SEMA3D: variants seen among roughly 807,000 people sequenced by gnomAD.
SEMA3D encodes semaphorin-3D.
In SEMA3D, 84 loss-of-function variants were observed where a neutral mutation model predicts 100.1. The ratio of observed to expected loss-of-function variants is 0.84; its 90% CI spans 0.70 to 1.01. The LOEUF is 1.01. SEMA3D is among the 50% of genes least tolerant of loss of function. The probability of loss-of-function intolerance (pLI) is 0.00; values close to 1 mark genes in which losing one functional copy is unlikely to be tolerated. For synonymous variants in SEMA3D, 312 were observed against 320.7 expected (o/e 0.97, Z 0.29); for missense variants, 875 against 934.1 (o/e 0.94, Z 0.82).
At chr7:85,043,221 T>A (rs948662976) in intron 9 of SEMA3D, among the ~76,000 whole-genome samples, 1 of 151,918 alleles carries the variant, frequency 6.6e-6, no homozygotes, top group Admixed American at 6.6e-5. Context: ...CAGTCATGTG[T>A]GGTGGGGTGT....
At chr7:85,024,964 T>C (rs911597625) in intron 12 of SEMA3D, among the ~76,000 whole-genome samples, 1 of 151,904 alleles carries the variant, frequency 6.6e-6, no homozygotes, top group Non-Finnish European at 1.5e-5. Context: ...AAAGAGAAAG[T>C]GTAGGGAAAT....
At chr7:85,062,289 A>G (rs1379829701) in intron 8 of SEMA3D, among the ~76,000 whole-genome samples, 2 of 152,218 alleles carry the variant, frequency 1.3e-5, no homozygotes, top group African/African-American at 4.8e-5. Context: ...TGGATATTAT[A>G]TAAAATAATT....
intron 7 of SEMA3D, among the ~76,000 whole-genome samples, chr7:85,066,685 C>A (rs1791630338): frequency 1.3e-5 from 2 of 151,830 alleles, no homozygotes; most frequent in Admixed American, 6.6e-5. Context: ...TTTATAAATG[C>A]CTAAATATGA....
the SEMA3D span, among the ~76,000 whole-genome samples, chr7:85,244,692 G>A: frequency 2.3e-3 from 341 of 150,122 alleles, 2 homozygotes; most frequent in African/African-American, 8.0e-3. Flanking sequence ...GCAAAATCCC[G>A]GATGTACTGC....
At chr7:85,001,823 G>C (rs1789662818) in intron 18 of SEMA3D, among the ~76,000 whole-genome samples, 1 of 152,086 alleles carries the variant, frequency 6.6e-6, no homozygotes, top group African/African-American at 2.4e-5. Context: ...CTTTATTACT[G>C]TAATTCTCTT....
chr7:85,063,652 A>G (rs963741711), intron 8 of SEMA3D, among the ~76,000 whole-genome samples: 7 of 151,742 alleles, frequency 4.6e-5, no homozygotes, highest in Admixed American at 2.0e-4. Context: ...TCATTTCCCT[A>G]TTTTCATGCA....
At chr7:85,076,524 A>G (rs767515658) in intron 5 of SEMA3D, among the ~76,000 whole-genome samples, 1 of 152,210 alleles carries the variant, frequency 6.6e-6, no homozygotes, top group Non-Finnish European at 1.5e-5. Context: ...TGTAATTCTC[A>G]AGACATATGT....
intron 9 of SEMA3D, among the ~76,000 whole-genome samples, chr7:85,053,244 C>T (rs559873056): frequency 2.0e-5 from 3 of 152,046 alleles, no homozygotes; most frequent in African/African-American, 7.2e-5. Context: ...GTGAAGCATA[C>T]ACAGTTTACT....
intron 18 of SEMA3D, 90 bp downstream of exon 18, chr7:85,006,712 T>C (rs1293178100): frequency 3.0e-6 from 3 of 984,488 alleles, no homozygotes; most frequent in Admixed American, 3.0e-5. Flanking sequence ...CAAATAATGA[T>C]GAGAGTAGCA....
chr7:85,060,829 C>T (rs1791458643), intron 8 of SEMA3D, among the ~76,000 whole-genome samples: 1 of 152,008 alleles, frequency 6.6e-6, no homozygotes. Context: ...ACAGATCATC[C>T]CAAGAGAAAC....
chr7:85,029,797 A>T (rs1028312124), intron 12 of SEMA3D: 4 of 220,194 alleles, frequency 1.8e-5, no homozygotes, highest in Non-Finnish European at 3.6e-5. Flanking sequence ...GAGCTGCTAT[A>T]CTAAATTACT....
intron 2 of SEMA3D, among the ~76,000 whole-genome samples, chr7:85,126,435 G>T (rs905217964): frequency 7.0e-6 from 1 of 142,726 alleles, no homozygotes; most frequent in Non-Finnish European, 1.6e-5. Context: ...GTGTGTGTGT[G>T]TGTAGGTTGG....
intron 10 of SEMA3D, 108 bp downstream of exon 10, chr7:85,042,063 T>G: frequency 1.2e-6 from 1 of 806,924 alleles, no homozygotes; most frequent in South Asian, 1.5e-5. Context: ...CCTGTAAGGT[T>G]TGCTCAGGTA....
chr7:85,158,847 C>A (rs1321502202), intron 1 of SEMA3D, among the ~76,000 whole-genome samples: 1 of 152,098 alleles, frequency 6.6e-6, no homozygotes, highest in Non-Finnish European at 1.5e-5. Flanking sequence ...TAGAAAAGAA[C>A]ATACATGAAA....
intron 10 of SEMA3D, 111 bp downstream of exon 10, chr7:85,042,060 G>T: frequency 1.3e-6 from 1 of 792,544 alleles, no homozygotes; most frequent in Non-Finnish European, 2.2e-6. Context: ...ACTCCTGTAA[G>T]GTTTGCTCAG....
At chr7:85,007,030 G>A in intron 17 of SEMA3D, 89 bp from the exon 18 acceptor site, 3 of 934,614 alleles carry the variant, frequency 3.2e-6, no homozygotes, top group South Asian at 2.1e-5. Context: ...GATGCCATGG[G>A]GAAAGAATCA....
At chr7:85,029,239 C>A (rs1354340702) in intron 12 of SEMA3D, 2 of 754,334 alleles carry the variant, frequency 2.7e-6, no homozygotes, top group Non-Finnish European at 4.9e-6. Flanking sequence ...GATATTAATG[C>A]CAAGGGCATC....
the SEMA3D span, among the ~76,000 whole-genome samples, chr7:85,246,677 T>C: frequency 1.3e-5 from 2 of 151,928 alleles, no homozygotes; most frequent in East Asian, 3.9e-4. Flanking sequence ...TAGGGTGTAT[T>C]GTTACCAGCA....
chr7:85,160,047 T>C, intron 1 of SEMA3D: 1 of 944,144 alleles, frequency 1.1e-6, no homozygotes, highest in South Asian at 4.9e-5. Context: ...ACTGTTATTT[T>C]ATTGAACTGC....
Sources: gnomAD v4.1 joint callset for allele counts (sites outside exome capture counted in the v4.1 genomes callset) on GRCh38, gnomAD v4.1.1 for gene constraint, MANE v1.5 for transcripts, NCBI Gene and HGNC (gene_info 2026-07-23, HGNC 2026-07-21) for gene names.